Variants in SLC28A3 observed in about 807,000 individuals in gnomAD.
SLC28A3 encodes the protein solute carrier family 28 member 3, also known as concentrative Na(+)-nucleoside cotransporter 3.
Under a neutral mutation model 84.2 loss-of-function variants are expected in SLC28A3, and 68 were observed. The observed-to-expected ratio is 0.81, with a 90% CI of 0.66 to 0.99. SLC28A3 has a LOEUF of 0.99. SLC28A3 is among the 50% of genes least tolerant of loss of function. The pLI is 0.00. For missense variants in SLC28A3, 712 were observed against 841.5 expected, an observed-to-expected ratio of 0.85 and a Z score of 1.90; for synonymous variants, 267 against 303.6, an observed-to-expected ratio of 0.88 and a Z score of 1.25.
intron 3 of SLC28A3, among the ~76,000 whole-genome samples, chr9:84,307,051 C>CA (rs1009407497): frequency 7.0e-6 from 1 of 143,528 alleles, no homozygotes; most frequent in African/African-American, 2.6e-5. Flanking sequence ...CCTGTGGTCC[C>CA]AGCTGCATGG....
chr9:84,339,533 A>G (rs896607599), intron 1 of SLC28A3, among the ~76,000 whole-genome samples: 1 of 152,208 alleles, frequency 6.6e-6, no homozygotes, highest in African/African-American at 2.4e-5. Context: ...TACAGGCATG[A>G]GGCACCACTG....
chr9:84,351,965 T>C, the SLC28A3 span, among the ~76,000 whole-genome samples: 1 of 151,822 alleles, frequency 6.6e-6, no homozygotes, highest in African/African-American at 2.4e-5. Flanking sequence ...GGTGAAACTG[T>C]AATGAGAGTT....
chr9:84,325,966 T>A (rs1050277774), intron 1 of SLC28A3, among the ~76,000 whole-genome samples: 3 of 152,228 alleles, frequency 2.0e-5, no homozygotes, highest in Admixed American at 2.0e-4. Flanking sequence ...TGGCTTCTTA[T>A]AAGGACTAGG....
At chr9:84,287,870 C>A (rs571856941) in intron 12 of SLC28A3, among the ~76,000 whole-genome samples, 178 bp downstream of exon 12, 14 of 152,110 alleles carry the variant, frequency 9.2e-5, no homozygotes, top group Admixed American at 8.5e-4. Flanking sequence ...TTGAGCAAGA[C>A]TCAAAAAAAG....
chr9:84,339,611 T>C (rs1007711148), intron 1 of SLC28A3, among the ~76,000 whole-genome samples: 8 of 152,202 alleles, frequency 5.3e-5, no homozygotes, highest in Non-Finnish European at 1.0e-4. Flanking sequence ...ATCTGTTTTA[T>C]GTTGGTTTAA....
rs144830208 is a variant in SLC28A3 at position 84,319,780 on chromosome 9, C to T, written c.61-6326G>A. Among the ~76,000 whole-genome samples the T allele has an allele frequency of 8.7e-4, 132 of 152,150 alleles. 1 individual carries two copies. Among genetic ancestry groups the T allele is most frequent in the African/African-American group, 3.1e-3 (129 of 41,494 alleles). On this transcript the variant is annotated intron_variant, in intron 1 of 17. Coordinates refer to ENST00000376238, the MANE Select transcript of SLC28A3 (RefSeq NM_001199633.2). ...ACTTCCTATGCATTTGGGAAGGAGA[C>T]CAGAGAAGTCTAAAGTCACTCACAG... is the stretch of plus-strand genomic sequence containing the variant.
chr9:84,317,953 C>A (rs945494669), intron 1 of SLC28A3, among the ~76,000 whole-genome samples: 3 of 152,168 alleles, frequency 2.0e-5, no homozygotes, highest in Non-Finnish European at 4.4e-5. Context: ...CACTTCAACT[C>A]TTTTTTTACT....
At chr9:84,290,041 C>CA in intron 11 of SLC28A3, 113 bp downstream of exon 11, 13 of 1,416,252 alleles carry the variant, frequency 9.2e-6, no homozygotes, top group South Asian at 1.5e-5. Flanking sequence ...TGCCATATGG[C>CA]AAAAAAAGAC....
At position 84,285,516 on chromosome 9, in the gene SLC28A3, G is replaced by A; in HGVS notation, c.1476C>T (p.Pro492=). 6.2e-7 allele frequency: 1 copy of A among 1,614,134 alleles called. No individual in the cohort carries two copies. Among genetic ancestry groups the A allele is most frequent in the Non-Finnish European group, 8.5e-7 (1 of 1,180,010 alleles). The change falls in exon 14 of 18, where the codon CCC becomes CCT. Residue 492 remains proline, a synonymous_variant. Coordinates refer to ENST00000376238, the MANE Select transcript of SLC28A3 (RefSeq NM_001199633.2). ...FELICSYIFM[P]FSFMMGVEWQ... ...ATTCCACTCCCATCATGAAGGAAAA[G>A]GGCATGAAGATGTAGGAGCAGATTA... is the stretch of plus-strand genomic sequence containing the variant.
At chr9:84,280,693 C>A in intron 15 of SLC28A3, 108 bp downstream of exon 15, 1 of 1,032,462 alleles carries the variant, frequency 9.7e-7, no homozygotes. Flanking sequence ...GGACTCATGA[C>A]TGTTGCAAAG....
intron 8 of SLC28A3, among the ~76,000 whole-genome samples, chr9:84,295,279 G>T (rs1825371072): frequency 1.3e-5 from 2 of 152,020 alleles, no homozygotes; most frequent in Admixed American, 1.3e-4. Context: ...CTTTAGTTCT[G>T]TGTTAAAGGC....
the SLC28A3 span, among the ~76,000 whole-genome samples, chr9:84,346,124 T>C: frequency 1.0e-3 from 158 of 152,334 alleles, 2 homozygotes; most frequent in Admixed American, 1.8e-3. Context: ...ATTTTAAACT[T>C]TGAAACCATT....
At chr9:84,286,160 A>G (rs1239984241) in intron 12 of SLC28A3, 49 bp from the exon 13 acceptor site, 4 of 1,567,414 alleles carry the variant, frequency 2.6e-6, no homozygotes, top group South Asian at 2.3e-5. Context: ...TTGTCAGGGG[A>G]TGGACACCAT....
chr9:84,357,295 C>T, the SLC28A3 span, among the ~76,000 whole-genome samples: 8 of 152,154 alleles, frequency 5.3e-5, no homozygotes, highest in African/African-American at 1.9e-4. Context: ...GGTTTAGGTG[C>T]ACAGCCTGTG....
chr9:84,297,927 A>G lies in SLC28A3; in HGVS notation c.762T>C (p.Asp254=). 6.2e-7 allele frequency: 1 copy of G among 1,605,068 alleles called. No homozygotes were observed. Among genetic ancestry groups the G allele is most frequent in the Non-Finnish European group, 8.5e-7 (1 of 1,178,244 alleles). ...TTACCTGAACTTGTCTGCCCAACCAATCAAAAGCTATAAATCCAGGGTCAG... is the reference window on the plus strand; with the variant it reads ...TTACCTGAACTTGTCTGCCCAACCAGTCAAAAGCTATAAATCCAGGGTCAG... ...LRTDPGFIAF[D]WLGRQVQTFL... Residue 254 remains aspartate (D), a synonymous_variant, in exon 7 of 18, where the codon GAT becomes GAC. Transcript: ENST00000376238.
At chr9:84,307,437 A>AAAAACAAAAC (rs1554726625) in intron 3 of SLC28A3, among the ~76,000 whole-genome samples, 1 of 111,008 alleles carries the variant, frequency 9.0e-6, no homozygotes, top group African/African-American at 3.3e-5. Context: ...TCTCAAAAAA[A>AAAAACAAAAC]AAAAAAAACA....
chr9:84,350,408 T>G, the SLC28A3 span, among the ~76,000 whole-genome samples: 1 of 151,734 alleles, frequency 6.6e-6, no homozygotes, highest in African/African-American at 2.4e-5. Context: ...GTCATTGCAC[T>G]CCAGCCTGGG....
intron 1 of SLC28A3, among the ~76,000 whole-genome samples, chr9:84,336,650 T>C (rs1212065707): frequency 6.6e-6 from 1 of 152,090 alleles, no homozygotes; most frequent in East Asian, 1.9e-4. Flanking sequence ...CACTCCAGCA[T>C]GGGTGACAGA....
chr9:84,290,935 T>C (rs1476795948), intron 10 of SLC28A3, among the ~76,000 whole-genome samples: 1 of 151,752 alleles, frequency 6.6e-6, no homozygotes, highest in Non-Finnish European at 1.5e-5. Context: ...CTCTGATGGG[T>C]GGAAAGGAAG....
Sources: gnomAD v4.1 joint callset for allele counts (sites outside exome capture counted in the v4.1 genomes callset) on GRCh38, gnomAD v4.1.1 for gene constraint, MANE v1.5 for transcripts, NCBI Gene and HGNC (gene_info 2026-07-23, HGNC 2026-07-21) for gene names.